The following GRIA2 variants were observed in gnomAD, a reference collection of about 807,000 sequenced individuals.
GRIA2 encodes glutamate receptor 2.
In GRIA2, 14 loss-of-function variants were observed where a neutral mutation model predicts 97.3. That is an observed-to-expected ratio of 0.14 (90% CI 0.10 to 0.23). The LOEUF (loss-of-function observed/expected upper bound fraction) is 0.23, where lower values mean the gene tolerates loss of function less well. GRIA2 is among the 10% of genes least tolerant of loss of function. The probability of loss-of-function intolerance (pLI) is 1.00; values close to 1 mark genes in which losing one functional copy is unlikely to be tolerated. For synonymous variants in GRIA2, 412 were observed against 387.8 expected, an observed-to-expected ratio of 1.06 and a Z score of -0.73; for missense variants, 558 against 1,069.8, an observed-to-expected ratio of 0.52 and a Z score of 6.67.
chr4:157,239,846 C>T (rs1730423973), intron 2 of GRIA2, among the ~76,000 whole-genome samples: 2 of 151,922 alleles, frequency 1.3e-5, no homozygotes, highest in South Asian at 4.1e-4. Context: ...TTCCTGTATA[C>T]TTGAAATTTC....
At chr4:157,229,969 G>A (rs1729926038) in intron 2 of GRIA2, among the ~76,000 whole-genome samples, 1 of 152,080 alleles carries the variant, frequency 6.6e-6, no homozygotes, top group Non-Finnish European at 1.5e-5. Flanking sequence ...TGACTGAAAT[G>A]TGTTTATATA....
chr4:157,282,342 G>A (rs1732644090), intron 2 of GRIA2, among the ~76,000 whole-genome samples: 1 of 152,084 alleles, frequency 6.6e-6, no homozygotes, highest in African/African-American at 2.4e-5. Context: ...TATGACCTAT[G>A]TCAACAGGTA....
At chr4:157,310,813 A>G (rs920711282) in intron 3 of GRIA2, among the ~76,000 whole-genome samples, 5 of 152,016 alleles carry the variant, frequency 3.3e-5, no homozygotes, top group African/African-American at 7.2e-5. Context: ...TTGCAACACT[A>G]TGGTGCTTAA....
intron 2 of GRIA2, among the ~76,000 whole-genome samples, chr4:157,277,926 A>G (rs1032382314): frequency 1.4e-5 from 2 of 147,604 alleles, no homozygotes; most frequent in Non-Finnish European, 3.0e-5. Flanking sequence ...ATATGTATAT[A>G]TATATGTGAG....
rs774950399 is a variant in GRIA2, at chr4:157,334,106, G to T, written c.1252G>T (p.Val418Phe). The T allele has an allele frequency of 6.3e-7, 1 of 1,588,136 alleles. No homozygotes were observed. The highest frequency in any genetic ancestry group is 8.6e-7 in the Non-Finnish European group (1 of 1,156,944). The change falls in exon 9 of 16, where the codon GTC (valine) becomes TTC (phenylalanine). Residue 418 changes from valine to phenylalanine, a missense_variant. Around this residue, in one of 8 missense-constraint regions of GRIA2, gnomAD observed 66 missense variants for 118.7 expected, o/e 0.56. Coordinates refer to ENST00000264426, the MANE Select transcript of GRIA2 (RefSeq NM_001083619.3). ...TGGGCTTGAGAATAAGACTGTTGTT[G>T]TCACCACAATTTTGGTAATTTGCTA... Reference protein sequence around the residue: ...TSGLENKTVVVTTILESPYVM... With the variant: ...TSGLENKTVVFTTILESPYVM...
At chr4:157,300,060 CAG>C (rs1333557628) in intron 2 of GRIA2, among the ~76,000 whole-genome samples, 1 of 151,176 alleles carries the variant, frequency 6.6e-6, no homozygotes, top group Non-Finnish European at 1.5e-5. Context: ...GATTGATTTT[CAG>C]AGTTTATGAC....
At chr4:157,311,052 T>C (rs1317432394) in intron 3 of GRIA2, among the ~76,000 whole-genome samples, 3 of 152,052 alleles carry the variant, frequency 2.0e-5, no homozygotes, top group Non-Finnish European at 4.4e-5. Flanking sequence ...ATTAATTCCG[T>C]AGGTGTTACA....
intron 1 of GRIA2, 39 bp from the exon 2 acceptor site, chr4:157,221,628 A>G (rs1246232384): frequency 6.2e-7 from 1 of 1,606,318 alleles, no homozygotes; most frequent in Non-Finnish European, 8.5e-7. Context: ...CTCCCGGGGC[A>G]CTGACACTGT....
At chr4:157,304,429 C>T (rs781708069) in intron 3 of GRIA2, among the ~76,000 whole-genome samples, 62 of 152,192 alleles carry the variant, frequency 4.1e-4, no homozygotes, top group Middle Eastern at 3.4e-3. Context: ...GAGGTACAAC[C>T]TGTATGTTTC....
rs878974149 is a variant in GRIA2, at chr4:157,363,497, A to C, written c.*66A>C. The stretch of plus-strand genomic sequence containing the variant: ...TGTCAATTACAGGAAGTACTGGAGA[A>C]AATGGACGTGTTATGACTCCAGAAT... On this transcript the variant is annotated 3_prime_UTR_variant, in exon 16 of 16. Coordinates refer to ENST00000264426, the MANE Select transcript of GRIA2 (RefSeq NM_001083619.3). 8.1e-7 allele frequency: 1 copy of C among 1,239,408 alleles called. No individual in the cohort carries two copies. Among genetic ancestry groups the C allele is most frequent in the Non-Finnish European group, 1.0e-6 (1 of 990,540 alleles). The allele number at this position is 1,239,408 out of a possible 1,614,324, so 76.8% of individuals were successfully genotyped here.
In GRIA2 at chr4:157,280,288, T is replaced by G. The variant is rs1009688848; in HGVS notation, c.230-23264T>G. ...ACTGTGATGCTTGAGAGTTGAAGAG[T>G]CACAGGAAAAGTGAGCTTGTTGAAA... On this transcript the variant is annotated intron_variant, in intron 2 of 15. Coordinates refer to ENST00000264426, the MANE Select transcript of GRIA2 (RefSeq NM_001083619.3). 4.0e-5 allele frequency among the ~76,000 whole-genome samples: 6 copies of G among 151,804 alleles called. No individual in the cohort carries two copies. In the East Asian group the frequency reaches 9.7e-4, roughly 24 times the overall value.
chr4:157,222,189 C>T (rs1035703324), intron 2 of GRIA2, among the ~76,000 whole-genome samples: 2 of 152,118 alleles, frequency 1.3e-5, no homozygotes, highest in African/African-American at 4.8e-5. Context: ...ACAGAGAACA[C>T]GTTGTTCCCC....
chr4:157,300,122 A>G (rs530948105), intron 2 of GRIA2, among the ~76,000 whole-genome samples: 1 of 151,984 alleles, frequency 6.6e-6, no homozygotes, highest in African/African-American at 2.4e-5. Context: ...TCATTACAGG[A>G]TGGATCAAAG....
chr4:157,273,621 A>T (rs2126794441), intron 2 of GRIA2, among the ~76,000 whole-genome samples: 1 of 152,160 alleles, frequency 6.6e-6, no homozygotes, highest in East Asian at 1.9e-4. Context: ...AATAGACTGG[A>T]ATGACTGAGG....
rs1433852016 is a variant in GRIA2, at chr4:157,343,962, T to C, written c.2043+2500T>C. ...GATAATAGTAAGGAAAATATTATTT[T>C]TGCTTCTGGTTCTCAAAATGTTTTC... On this transcript the variant is annotated intron_variant, in intron 12 of 15. Coordinates refer to ENST00000264426, the MANE Select transcript of GRIA2 (RefSeq NM_001083619.3). Among the ~76,000 whole-genome samples the C allele has an allele frequency of 3.3e-5, 5 of 152,066 alleles. No individual in the cohort carries two copies. In the South Asian group the frequency reaches 1.0e-3, roughly 32 times the overall value.
chr4:157,238,736 G>C (rs931881204), intron 2 of GRIA2, among the ~76,000 whole-genome samples: 2 of 151,952 alleles, frequency 1.3e-5, no homozygotes, highest in African/African-American at 4.8e-5. Context: ...CTGGATTAAA[G>C]GCCATGAAGC....
intron 8 of GRIA2, among the ~76,000 whole-genome samples, 168 bp downstream of exon 8, chr4:157,333,521 G>A (rs549679834): frequency 6.6e-6 from 1 of 151,906 alleles, no homozygotes; most frequent in East Asian, 1.9e-4. Context: ...GTTTATTTCT[G>A]GTAAGTAACA....
At chr4:157,310,561 C>A (rs866546136) in intron 3 of GRIA2, among the ~76,000 whole-genome samples, 6 of 151,698 alleles carry the variant, frequency 4.0e-5, no homozygotes, top group Non-Finnish European at 2.9e-5. Context: ...GAAACAAATA[C>A]CAGACATCCT....
At chr4:157,226,882 T>G (rs965522319) in intron 2 of GRIA2, among the ~76,000 whole-genome samples, 10 of 152,266 alleles carry the variant, frequency 6.6e-5, no homozygotes, top group African/African-American at 2.4e-4. Context: ...AAAGCTGGTG[T>G]TGTAAATATT....
Sources: allele counts gnomAD v4.1 joint callset (sites outside exome capture counted in the v4.1 genomes callset), GRCh38; gene constraint gnomAD v4.1.1; regional missense constraint gnomAD v4.1.1; transcripts MANE v1.5; gene names NCBI Gene and HGNC (gene_info 2026-07-23, HGNC 2026-07-21).